The following HSPA12A variants were observed in gnomAD, a reference collection of about 807,000 sequenced individuals.
HSPA12A encodes heat shock 70 kDa protein 12A.
HSPA12A carries 28 observed loss-of-function variants against 69.2 expected under a neutral mutation model. The observed-to-expected ratio is 0.40, with a 90% CI of 0.30 to 0.55. HSPA12A has a LOEUF of 0.55. Ranked by LOEUF, HSPA12A falls within the 20% of genes least tolerant of loss-of-function variation. HSPA12A has a pLI of 0.38. For missense variants in HSPA12A, 686 were observed against 900.7 expected, an observed-to-expected ratio of 0.76 and a Z score of 3.05; for synonymous variants, 345 against 370.5, an observed-to-expected ratio of 0.93 and a Z score of 0.79.
intron 2 of HSPA12A, among the ~76,000 whole-genome samples, chr10:116,813,389 G>A (rs1199998866): frequency 6.6e-6 from 1 of 151,668 alleles, no homozygotes; most frequent in Admixed American, 6.6e-5. Flanking sequence ...GGGGACTACA[G>A]GCACCCACCA....
chr10:116,848,210 C>G (rs1845933743), intron 1 of HSPA12A, among the ~76,000 whole-genome samples: 1 of 152,232 alleles, frequency 6.6e-6, no homozygotes, highest in Non-Finnish European at 1.5e-5. Flanking sequence ...ATTCTACCGT[C>G]AGGGGATTTC....
chr10:116,740,695 T>C (rs554668454), intron 1 of HSPA12A, among the ~76,000 whole-genome samples: 2,548 of 129,158 alleles, frequency 0.02, 54 homozygotes, highest in African/African-American at 0.06. Context: ...TGTGTGTGTG[T>C]GCGTGTGTGT....
At chr10:116,822,282 C>A (rs1466909421) in intron 2 of HSPA12A, among the ~76,000 whole-genome samples, 1 of 152,220 alleles carries the variant, frequency 6.6e-6, no homozygotes, top group Non-Finnish European at 1.5e-5. Context: ...AGTCTTATGT[C>A]TGACCTTCCC....
chr10:116,845,540 G>T lies in HSPA12A; in HGVS notation c.3+4026C>A, dbSNP rs182111129. ...ATATCATTTCCTCTTTCTGAAGCAG[G>T]AGAGTACAGTCCTACCCTCTCTCCG... On this transcript the variant is annotated intron_variant, in intron 1 of 12. Coordinates refer to the HSPA12A transcript ENST00000635765. Among the ~76,000 whole-genome samples the T allele has an allele frequency of 1.6e-3, 246 of 152,170 alleles. 1 individual carries two copies. Among genetic ancestry groups the T allele is most frequent in the African/African-American group, 5.3e-3 (218 of 41,520 alleles).
chr10:116,705,587 G>T (rs1271736027), intron 2 of HSPA12A, among the ~76,000 whole-genome samples: 3 of 152,224 alleles, frequency 2.0e-5, no homozygotes, highest in African/African-American at 4.8e-5. Flanking sequence ...TATCATCAGG[G>T]CTGGTCGCCC....
chr10:116,797,966 T>C (rs1249939756), intron 2 of HSPA12A, among the ~76,000 whole-genome samples: 18 of 152,028 alleles, frequency 1.2e-4, no homozygotes, highest in Non-Finnish European at 2.5e-4. Context: ...AGGGCACAGT[T>C]TGGGTAAAGA....
intron 2 of HSPA12A, among the ~76,000 whole-genome samples, chr10:116,799,379 G>A (rs1400647297): frequency 2.6e-5 from 4 of 152,140 alleles, no homozygotes; most frequent in East Asian, 1.9e-4. Flanking sequence ...ACTGAACAGC[G>A]TGTCAATACT....
At chr10:116,811,751 T>C (rs1429025937) in intron 2 of HSPA12A, among the ~76,000 whole-genome samples, 2 of 152,196 alleles carry the variant, frequency 1.3e-5, no homozygotes, top group African/African-American at 4.8e-5. Context: ...GCCCATGACC[T>C]CTGCACCCGG....
At chr10:116,815,716 C>T (rs1845290943) in intron 2 of HSPA12A, among the ~76,000 whole-genome samples, 1 of 152,186 alleles carries the variant, frequency 6.6e-6, no homozygotes, top group Non-Finnish European at 1.5e-5. Context: ...CCTCGGGCCA[C>T]TCCCTCCAAC....
At chr10:116,793,426 C>T (rs1327415220) in intron 2 of HSPA12A, among the ~76,000 whole-genome samples, 1 of 152,078 alleles carries the variant, frequency 6.6e-6, no homozygotes, top group Non-Finnish European at 1.5e-5. Context: ...CAAGAATTAG[C>T]CAGGTATAGT....
At chr10:116,733,206 C>T (rs556031269) in intron 1 of HSPA12A, among the ~76,000 whole-genome samples, 46 of 152,280 alleles carry the variant, frequency 3.0e-4, no homozygotes, top group African/African-American at 1.0e-3. Flanking sequence ...GTTTCTTATC[C>T]CAGCCAGCGG....
At chr10:116,788,956 C>T (rs1048961623) in intron 2 of HSPA12A, among the ~76,000 whole-genome samples, 2 of 151,300 alleles carry the variant, frequency 1.3e-5, no homozygotes, top group African/African-American at 4.9e-5. Context: ...ACCTCTACCT[C>T]CCGGGTTCAA....
intron 9 of HSPA12A, among the ~76,000 whole-genome samples, chr10:116,680,039 G>A (rs187893190): frequency 2.6e-5 from 4 of 152,302 alleles, no homozygotes; most frequent in Non-Finnish European, 5.9e-5. Flanking sequence ...TGCCCAGGCT[G>A]GAGTGCAGTG....
Position 116,785,354 on chromosome 10 carries a change from C to T in HSPA12A, c.91+49581G>A, listed in dbSNP as rs565663682. Among the ~76,000 whole-genome samples the T allele has an allele frequency of 1.5e-4, 23 of 152,242 alleles. No individual in the cohort carries two copies. The East Asian group carries it at 3.5e-3, about 23-fold the overall frequency. On this transcript the variant is annotated intron_variant, in intron 2 of 12. Transcript: ENST00000635765. ...GCTGTGGAGGAAGGAGGAACGGCCC[C>T]GACCCAGGCCTGCCAGTGGACATGG... is the stretch of plus-strand genomic sequence containing the variant.
At chr10:116,812,397 G>C (rs542328721) in intron 2 of HSPA12A, among the ~76,000 whole-genome samples, 13 of 152,180 alleles carry the variant, frequency 8.5e-5, no homozygotes, top group African/African-American at 3.1e-4. Flanking sequence ...AGGATGCAGC[G>C]AGTCGAAATT....
intron 2 of HSPA12A, chr10:116,830,845 G>C (rs1291197199): frequency 2.6e-5 from 4 of 152,264 alleles, no homozygotes; most frequent in Middle Eastern, 3.4e-3. Context: ...ATATATTATA[G>C]GTATATGCAT....
intron 2 of HSPA12A, among the ~76,000 whole-genome samples, chr10:116,811,550 G>A (rs1845183202): frequency 6.8e-6 from 1 of 147,402 alleles, no homozygotes; most frequent in African/African-American, 2.5e-5. Context: ...TTCATATTGG[G>A]CCTAACTTGG....
At chr10:116,778,455 C>A (rs1414402683) in intron 2 of HSPA12A, among the ~76,000 whole-genome samples, 1 of 152,146 alleles carries the variant, frequency 6.6e-6, no homozygotes, top group Admixed American at 6.5e-5. Context: ...GGGTGGCACA[C>A]CTCAGGGCTG....
intron 2 of HSPA12A, chr10:116,831,494 G>C (rs941546488): frequency 4.6e-5 from 7 of 152,228 alleles, no homozygotes; most frequent in African/African-American, 1.7e-4. Flanking sequence ...AGGTCAAAGA[G>C]AAGCCAGAGC....
Sources: allele counts gnomAD v4.1 joint callset (sites outside exome capture counted in the v4.1 genomes callset), GRCh38; gene constraint gnomAD v4.1.1; transcripts MANE v1.5; gene names NCBI Gene and HGNC (gene_info 2026-07-23, HGNC 2026-07-21).